The following ANO1 variants were observed in gnomAD, a reference collection of about 807,000 sequenced individuals.
ANO1 encodes anoctamin 1, also known as anoctamin-1.
In ANO1, 59 loss-of-function variants were observed where a neutral mutation model predicts 124.0. That is an observed-to-expected ratio of 0.48 (90% confidence interval 0.39 to 0.59). The LOEUF (loss-of-function observed/expected upper bound fraction) is 0.59, where lower values mean the gene tolerates loss of function less well. ANO1 is among the 20% of genes least tolerant of loss of function. The pLI is 0.00. For synonymous variants in ANO1, 529 were observed against 532.0 expected, an observed-to-expected ratio of 0.99 and a Z score of 0.08; for missense variants, 1,059 against 1,328.0, an observed-to-expected ratio of 0.80 and a Z score of 3.15.
chr11:70,093,542 G>A (rs758319435), intron 2 of ANO1, among the ~76,000 whole-genome samples: 1 of 152,334 alleles, frequency 6.6e-6, no homozygotes, highest in Middle Eastern at 3.4e-3. Context: ...GCTGGGGGGC[G>A]GCTGAGGCCC....
upstream of ANO1, among the ~76,000 whole-genome samples, chr11:69,984,467 G>C (rs1248712649): frequency 1.5e-5 from 2 of 137,464 alleles, no homozygotes; most frequent in Non-Finnish European, 3.2e-5. Context: ...CTCAATGCGA[G>C]GAAGGAATCT....
Position 70,087,907 on chromosome 11 carries a change from C to T in ANO1, c.264C>T (p.Thr88=). The change falls in exon 2 of 26, where the codon ACC becomes ACT. Residue 88 remains threonine, a synonymous_variant. Coordinates refer to ENST00000355303, the MANE Select transcript of ANO1 (RefSeq NM_018043.7). The part of the protein sequence containing the change: ...TLVRRVQHSD[T]PSGARSVKQD... ...TCAGGAGGGTGCAGCACAGCGACAC[C>T]CCCTCTGGGGCTCGCAGCGTCAAGC... The T allele has an allele frequency of 1.2e-6, 2 of 1,610,554 alleles. No homozygotes were observed. Among genetic ancestry groups the T allele is most frequent in the Non-Finnish European group, 1.7e-6 (2 of 1,178,784 alleles).
At chr11:70,119,261 GGGGT>G (rs1445554026) in intron 8 of ANO1, among the ~76,000 whole-genome samples, 2 of 83,066 alleles carry the variant, frequency 2.4e-5, no homozygotes, top group Non-Finnish European at 4.7e-5. Context: ...GGATGATGGG[GGGGT>G]GGGTGGGTGA....
At chr11:70,138,387 G>A (rs1301424094) in intron 11 of ANO1, among the ~76,000 whole-genome samples, 2 of 143,658 alleles carry the variant, frequency 1.4e-5, no homozygotes, top group African/African-American at 5.3e-5. Context: ...AGTGGCTCAC[G>A]CCTGTAATCT....
At chr11:70,073,918 A>G (rs2065540340), upstream of ANO1, among the ~76,000 whole-genome samples, 1 of 133,498 alleles carries the variant, frequency 7.5e-6, no homozygotes, top group African/African-American at 2.9e-5. Context: ...TTCCGAGCCC[A>G]TGGAGTCCCG....
chr11:69,993,816 T>G (rs1554997944), intron 1 of ANO1, among the ~76,000 whole-genome samples: 1 of 152,204 alleles, frequency 6.6e-6, no homozygotes, highest in Non-Finnish European at 1.5e-5. Context: ...GATTCCTTTT[T>G]CTCCCCCAGC....
chr11:70,166,743 G>A (rs1226860016), intron 20 of ANO1, among the ~76,000 whole-genome samples: 1 of 152,220 alleles, frequency 6.6e-6, no homozygotes, highest in Non-Finnish European at 1.5e-5. Context: ...TCTGTAGCCA[G>A]CAAAGCCATG....
At chr11:70,117,078 A>C (rs1346592696) in intron 8 of ANO1, among the ~76,000 whole-genome samples, 1 of 122,754 alleles carries the variant, frequency 8.1e-6, no homozygotes, top group Admixed American at 8.0e-5. Context: ...TGACCCCTTT[A>C]TTCTTTTTTC....
chr11:70,064,203 C>A (rs1436562388), intron 1 of ANO1: 4 of 152,256 alleles, frequency 2.6e-5, no homozygotes, highest in Admixed American at 2.6e-4. Context: ...CATCTGGAAG[C>A]CAGTGGCCTC....
intron 9 of ANO1, 54 bp from the exon 10 acceptor site, chr11:70,126,007 C>T: frequency 2.0e-6 from 3 of 1,532,568 alleles, no homozygotes; most frequent in Non-Finnish European, 2.6e-6. Flanking sequence ...GACATGTTTC[C>T]CTGCTAGTAT....
intron 1 of ANO1, among the ~76,000 whole-genome samples, chr11:69,992,144 G>A (rs1240801558): frequency 3.9e-5 from 6 of 152,170 alleles, no homozygotes; most frequent in Non-Finnish European, 5.9e-5. Flanking sequence ...TGGATGGATG[G>A]ATGAGTGATG....
intron 1 of ANO1, among the ~76,000 whole-genome samples, chr11:70,028,398 C>G (rs1856945890): frequency 6.6e-6 from 1 of 152,160 alleles, no homozygotes; most frequent in African/African-American, 2.4e-5. Flanking sequence ...CCACACTCTG[C>G]CACCCCAGGG....
At chr11:70,157,411 T>C (rs2047863512) in intron 16 of ANO1, among the ~76,000 whole-genome samples, 1 of 147,932 alleles carries the variant, frequency 6.8e-6, no homozygotes, top group Non-Finnish European at 1.5e-5. Context: ...CTCCAAGACC[T>C]GATTCAGCCT....
chr11:70,024,600 A>G (rs1555002971), intron 1 of ANO1, among the ~76,000 whole-genome samples: 1 of 152,182 alleles, frequency 6.6e-6, no homozygotes, highest in Non-Finnish European at 1.5e-5. Flanking sequence ...ACCCCTGGGA[A>G]GCTGGAGTTT....
At chr11:70,177,669 G>A (rs1378446293) in intron 22 of ANO1, among the ~76,000 whole-genome samples, 1 of 137,136 alleles carries the variant, frequency 7.3e-6, no homozygotes, top group Non-Finnish European at 1.5e-5. Context: ...GCGCGATCTC[G>A]GCTCACTGCA....
At chr11:70,103,003 A>C in intron 2 of ANO1, 63 bp from the exon 3 acceptor site, 1 of 1,195,578 alleles carries the variant, frequency 8.4e-7, no homozygotes, top group Non-Finnish European at 1.2e-6. Context: ...TCTGAAGATC[A>C]AGGTGGTTTT....
chr11:70,068,590 C>T (rs1476237328), intron 1 of ANO1, among the ~76,000 whole-genome samples: 1 of 152,044 alleles, frequency 6.6e-6, no homozygotes, highest in African/African-American at 2.4e-5. Context: ...GGCTTGGAGA[C>T]GTGAGCCAGG....
At chr11:70,107,136 C>G (rs2045579443) in intron 5 of ANO1, among the ~76,000 whole-genome samples, 1 of 152,104 alleles carries the variant, frequency 6.6e-6, no homozygotes, top group Non-Finnish European at 1.5e-5. Flanking sequence ...CCGATTAGAT[C>G]TGAGGGATGA....
intron 22 of ANO1, among the ~76,000 whole-genome samples, chr11:70,172,148 A>C (rs1265267048): frequency 1.3e-5 from 2 of 151,690 alleles, no homozygotes; most frequent in Non-Finnish European, 2.9e-5. Context: ...AAAAGAAAAG[A>C]AAAGAAAAAG....
Sources: gnomAD v4.1 joint callset for allele counts (sites outside exome capture counted in the v4.1 genomes callset) on GRCh38, gnomAD v4.1.1 for gene constraint, MANE v1.5 for transcripts, NCBI Gene and HGNC (gene_info 2026-07-23, HGNC 2026-07-21) for gene names.